The following GRM7 variants were observed in gnomAD, a reference collection of about 807,000 sequenced individuals.
GRM7 encodes glutamate metabotropic receptor 7.
GRM7 carries 35 observed loss-of-function variants against 84.5 expected under a neutral mutation model. The observed-to-expected ratio is 0.41, with a 90% CI of 0.32 to 0.55. The LOEUF (loss-of-function observed/expected upper bound fraction) is 0.55, where lower values mean the gene tolerates loss of function less well. Among genes scored for constraint, GRM7 ranks in the 20% least tolerant of loss-of-function variants. The probability of loss-of-function intolerance (pLI) is 0.19; values close to 1 mark genes in which losing one functional copy is unlikely to be tolerated. For missense variants in GRM7, 1,003 were observed against 1,194.6 expected, an observed-to-expected ratio of 0.84 and a Z score of 2.36; for synonymous variants, 487 against 455.1, an observed-to-expected ratio of 1.07 and a Z score of -0.89.
chr3:7,124,209 G>A (rs1693319153), intron 1 of GRM7, among the ~76,000 whole-genome samples: 1 of 152,082 alleles, frequency 6.6e-6, no homozygotes, highest in Non-Finnish European at 1.5e-5. Context: ...ACCAATAATG[G>A]TACTCCCTGA....
rs559789757 is a variant in GRM7, at chr3:7,182,460, C to CT, written c.736+35799dup. 9.9e-5 allele frequency among the ~76,000 whole-genome samples: 15 copies of CT among 152,104 alleles called. No homozygotes were observed. In the South Asian group the frequency reaches 2.9e-3, roughly 29 times the overall value. Reference sequence around the variant, plus strand: ...GATTGTATTTTGTTCTCCTTAGTTTCTTTTTTTAACTTTCCTTTCTCTCAA... The same window carrying CT: ...GATTGTATTTTGTTCTCCTTAGTTTCTTTTTTTTAACTTTCCTTTCTCTCAA... On this transcript the variant is annotated intron_variant, in intron 2 of 9. Coordinates refer to ENST00000357716, the MANE Select transcript of GRM7 (RefSeq NM_000844.4).
intron 3 of GRM7, among the ~76,000 whole-genome samples, chr3:7,301,575 T>C (rs1700002507): frequency 6.6e-6 from 1 of 152,162 alleles, no homozygotes; most frequent in African/African-American, 2.4e-5. Flanking sequence ...TATAATACTG[T>C]TGACTTGCAA....
intron 9 of GRM7, among the ~76,000 whole-genome samples, chr3:7,684,717 A>G (rs1032884011): frequency 2.6e-5 from 4 of 152,226 alleles, no homozygotes; most frequent in African/African-American, 9.6e-5. Flanking sequence ...TGGAATAAAC[A>G]AAAAGTAAAT....
At chr3:7,121,993 T>G (rs1693241811) in intron 1 of GRM7, among the ~76,000 whole-genome samples, 2 of 152,186 alleles carry the variant, frequency 1.3e-5, no homozygotes, top group African/African-American at 4.8e-5. Flanking sequence ...ATGCTCACTT[T>G]CACCTTCCAT....
chr3:7,018,758 T>C (rs1276228199), intron 1 of GRM7, among the ~76,000 whole-genome samples: 1 of 152,222 alleles, frequency 6.6e-6, no homozygotes, highest in African/African-American at 2.4e-5. Flanking sequence ...TCCTATATAT[T>C]AGGCAATGCC....
chr3:7,689,556 G>A (rs921586423), intron 9 of GRM7, among the ~76,000 whole-genome samples: 5 of 152,112 alleles, frequency 3.3e-5, no homozygotes, highest in African/African-American at 1.2e-4. Context: ...TCTCGCCAAG[G>A]CTTGATATCT....
intron 2 of GRM7, among the ~76,000 whole-genome samples, chr3:7,266,646 C>T (rs773409941): frequency 4.6e-5 from 7 of 152,042 alleles, no homozygotes; most frequent in Non-Finnish European, 8.8e-5. Flanking sequence ...TTTTTCAACT[C>T]GGCAAAGCAT....
At chr3:7,140,892 C>T (rs1275632949) in intron 1 of GRM7, among the ~76,000 whole-genome samples, 1 of 151,858 alleles carries the variant, frequency 6.6e-6, no homozygotes, top group African/African-American at 2.4e-5. Context: ...AGACTTTGGG[C>T]CATATGATCT....
intron 2 of GRM7, among the ~76,000 whole-genome samples, chr3:7,284,783 A>G (rs949937335): frequency 6.6e-6 from 1 of 152,110 alleles, no homozygotes; most frequent in African/African-American, 2.4e-5. Flanking sequence ...CATACTATGA[A>G]CTAAAGTCAT....
chr3:6,944,917 A>G (rs1192186862), intron 1 of GRM7, among the ~76,000 whole-genome samples: 2 of 152,120 alleles, frequency 1.3e-5, no homozygotes, highest in Non-Finnish European at 2.9e-5. Flanking sequence ...TATCAATTTC[A>G]TGGCACAAAG....
chr3:7,656,723 C>A (rs1028594979), intron 8 of GRM7, among the ~76,000 whole-genome samples: 3 of 151,964 alleles, frequency 2.0e-5, no homozygotes, highest in African/African-American at 7.2e-5. Context: ...TCAATTACCA[C>A]CTACCTCAGG....
intron 1 of GRM7, among the ~76,000 whole-genome samples, chr3:6,925,662 C>G (rs1182444065): frequency 6.6e-6 from 1 of 152,160 alleles, no homozygotes; most frequent in Non-Finnish European, 1.5e-5. Context: ...TTTGAGAGCT[C>G]TTGTGATCTG....
intron 1 of GRM7, among the ~76,000 whole-genome samples, chr3:7,049,523 A>C (rs963734952): frequency 6.6e-6 from 1 of 151,980 alleles, no homozygotes; most frequent in Non-Finnish European, 1.5e-5. Flanking sequence ...TTAGAATTCA[A>C]GGTGAGATTT....
At chr3:6,910,453 G>A (rs929063560) in intron 1 of GRM7, among the ~76,000 whole-genome samples, 2 of 152,134 alleles carry the variant, frequency 1.3e-5, no homozygotes, top group African/African-American at 4.8e-5. Context: ...AGCCTCCTGA[G>A]TTAAAACAGA....
At chr3:7,149,167 A>G (rs1384887782) in intron 2 of GRM7, among the ~76,000 whole-genome samples, 1 of 152,054 alleles carries the variant, frequency 6.6e-6, no homozygotes, top group African/African-American at 2.4e-5. Context: ...ATTAGCAAAC[A>G]CCCCTTCTTT....
chr3:7,698,042 C>A (rs1442899508), intron 9 of GRM7, among the ~76,000 whole-genome samples: 3 of 152,148 alleles, frequency 2.0e-5, no homozygotes, highest in African/African-American at 7.2e-5. Flanking sequence ...AGGGACTCTG[C>A]ATGGAAGGCT....
In GRM7 at chr3:6,898,140, G is replaced by T. The variant is rs73808486; in HGVS notation, c.519+36233G>T. On this transcript the variant is annotated intron_variant, in intron 1 of 9. Coordinates refer to ENST00000357716, the MANE Select transcript of GRM7 (RefSeq NM_000844.4). ...CAGGGCACAGAGCTGGATGGAGAAA[G>T]AATTCGAAAGGGCTGATAGGATATA... Among the ~76,000 whole-genome samples, 1,214 of 152,270 alleles carry T rather than the reference G, an allele frequency of 8.0e-3. 15 individuals carry two copies. Among genetic ancestry groups the T allele is most frequent in the African/African-American group, 0.028 (1,156 of 41,546 alleles).
intron 7 of GRM7, among the ~76,000 whole-genome samples, chr3:7,540,290 G>C (rs908814367): frequency 6.6e-6 from 1 of 152,124 alleles, no homozygotes; most frequent in Non-Finnish European, 1.5e-5. Flanking sequence ...AATGTTCACA[G>C]CACCATTATT....
At chr3:7,144,716 A>G (rs1694053831) in intron 1 of GRM7, among the ~76,000 whole-genome samples, 1 of 152,226 alleles carries the variant, frequency 6.6e-6, no homozygotes, top group Admixed American at 6.5e-5. Flanking sequence ...AAATAGCTTC[A>G]TCAAATTAAA....
Sources: gnomAD v4.1 joint callset for allele counts (sites outside exome capture counted in the v4.1 genomes callset) on GRCh38, gnomAD v4.1.1 for gene constraint, MANE v1.5 for transcripts, NCBI Gene and HGNC (gene_info 2026-07-23, HGNC 2026-07-21) for gene names.